Variants in SLC41A3 observed in about 807,000 individuals in gnomAD.
SLC41A3 encodes solute carrier family 41 member 3, also known as SLC41A1-like 2.
In SLC41A3, 44 loss-of-function variants were observed where a neutral mutation model predicts 45.4. That is an observed-to-expected ratio of 0.97 (90% CI 0.76 to 1.25). SLC41A3 has a LOEUF of 1.25. Among genes scored for constraint, SLC41A3 ranks in the 50% most tolerant of loss-of-function variants. SLC41A3 has a pLI of 0.00. For synonymous variants in SLC41A3, 256 were observed against 252.4 expected (o/e 1.01, Z -0.13); for missense variants, 550 against 600.6 (o/e 0.92, Z 0.88).
In SLC41A3 at chr3:126,035,790, A is replaced by G. The variant is rs926654511; in HGVS notation, c.382-2112T>C. 2.6e-5 allele frequency among the ~76,000 whole-genome samples: 4 copies of G among 152,000 alleles called. No individual in the cohort carries two copies. The East Asian group carries it at 7.8e-4, about 30-fold the overall frequency. Reference sequence around the variant, plus strand: ...GCAAGTGGAGAAGACAGCTCAGAGGAGCCTGACTTGGGTTTGGTCAAGGAA... The same window carrying G: ...GCAAGTGGAGAAGACAGCTCAGAGGGGCCTGACTTGGGTTTGGTCAAGGAA... On this transcript the variant is annotated intron_variant, in intron 3 of 10. Transcript: ENST00000360370.
intron 10 of SLC41A3, among the ~76,000 whole-genome samples, chr3:126,008,203 C>T (rs1452372394): frequency 1.3e-5 from 2 of 152,232 alleles, no homozygotes; most frequent in Non-Finnish European, 2.9e-5. Context: ...GTCTAGCATG[C>T]AGTACATAAT....
At position 126,051,004 on chromosome 3, in the gene SLC41A3, G is replaced by T. The variant is rs139252955; in HGVS notation, c.320C>A (p.Pro107Gln). 3.7e-6 allele frequency: 6 copies of T among 1,612,410 alleles called. No individual in the cohort carries two copies. Among genetic ancestry groups the T allele is most frequent in the Non-Finnish European group, 5.1e-6 (6 of 1,179,234 alleles). The change falls in exon 3 of 11, where the codon CCG (proline) becomes CAG (glutamine). Residue 107 changes from proline to glutamine, a missense_variant. Transcript: ENST00000360370. ...GTTCCCCTTCAGGCCCACCAGGGGC[G>T]GCACCAATGTCAAAAGGTCTTTCAC... The part of the protein sequence containing the change: ...VEVKDLLTLV[P>Q]PLVGLKGNLE...
intron 3 of SLC41A3, among the ~76,000 whole-genome samples, chr3:126,045,637 C>T (rs893218239): frequency 1.3e-5 from 2 of 152,076 alleles, no homozygotes; most frequent in African/African-American, 4.8e-5. Context: ...AATCTCCCAA[C>T]AAAGAAAACC....
At chr3:126,096,993 T>C (rs1945616582) in intron 1 of SLC41A3, among the ~76,000 whole-genome samples, 1 of 152,150 alleles carries the variant, frequency 6.6e-6, no homozygotes, top group Non-Finnish European at 1.5e-5. Context: ...GGAATGGAAG[T>C]TTATTTAAGA....
chr3:126,041,368 G>A (rs774668116), intron 3 of SLC41A3, among the ~76,000 whole-genome samples: 2 of 152,150 alleles, frequency 1.3e-5, no homozygotes, highest in Non-Finnish European at 2.9e-5. Flanking sequence ...CAAGATACAT[G>A]CAAGATAATG....
intron 8 of SLC41A3, 124 bp downstream of exon 8, chr3:126,015,370 G>T: frequency 1.1e-6 from 1 of 920,928 alleles, no homozygotes; most frequent in Non-Finnish European, 1.7e-6. Flanking sequence ...TCTGTCCACG[G>T]CTCAGCTGCC....
chr3:126,034,836 A>C (rs1942067069), intron 3 of SLC41A3, among the ~76,000 whole-genome samples: 1 of 152,220 alleles, frequency 6.6e-6, no homozygotes, highest in Non-Finnish European at 1.5e-5. Context: ...ATGATTTCTG[A>C]GTATGAGTCG....
chr3:126,028,535 C>T (rs1941549335), intron 4 of SLC41A3, among the ~76,000 whole-genome samples: 1 of 152,268 alleles, frequency 6.6e-6, no homozygotes, highest in Non-Finnish European at 1.5e-5. Flanking sequence ...AAGCCTGCTG[C>T]AGGGGCACAG....
intron 2 of SLC41A3, chr3:126,056,605 T>C: frequency 6.4e-7 from 1 of 1,565,700 alleles, no homozygotes; most frequent in Non-Finnish European, 8.7e-7. Context: ...CCTGGGGTGC[T>C]CCAGTCCTCT....
chr3:126,036,179 T>C (rs1042905528), intron 3 of SLC41A3, among the ~76,000 whole-genome samples: 4 of 152,252 alleles, frequency 2.6e-5, no homozygotes, highest in Non-Finnish European at 4.4e-5. Flanking sequence ...CCTTATTGTC[T>C]ACGTAAAACA....
intron 2 of SLC41A3, among the ~76,000 whole-genome samples, chr3:126,063,951 C>CCT (rs1553742164): frequency 9.1e-6 from 1 of 109,426 alleles, no homozygotes; most frequent in Non-Finnish European, 1.8e-5. Context: ...CAGATCCAAC[C>CCT]CCCCCCCGGG....
intron 1 of SLC41A3, among the ~76,000 whole-genome samples, chr3:126,100,102 T>C (rs1193121294): frequency 6.6e-6 from 1 of 152,132 alleles, no homozygotes; most frequent in Non-Finnish European, 1.5e-5. Context: ...AGAGGAACTG[T>C]TGATTTTGGA....
In SLC41A3 at chr3:126,006,923, C is replaced by T; in HGVS notation, c.*93G>A. Reference sequence around the variant, plus strand: ...GGCTACTGCAGAGGCAGGGGTCAACCATCCCAAGGACCTGGCAAGGGAGAA... The same window carrying T: ...GGCTACTGCAGAGGCAGGGGTCAACTATCCCAAGGACCTGGCAAGGGAGAA... On this transcript the variant is annotated 3_prime_UTR_variant, in exon 11 of 11. Coordinates refer to ENST00000360370, the MANE Select transcript of SLC41A3 (RefSeq NM_017836.4). The T allele has an allele frequency of 3.8e-6, 6 of 1,575,222 alleles. No homozygotes were observed. In the Middle Eastern group the frequency reaches 6.8e-4, roughly 179 times the overall value.
chr3:126,044,919 A>AAAAAAAAAAAAAC (rs1942862013), intron 3 of SLC41A3, among the ~76,000 whole-genome samples: 1 of 145,120 alleles, frequency 6.9e-6, no homozygotes. Context: ...AAAAAAAAAA[A>AAAAAAAAAAAAAC]AAAAATCATA....
At chr3:126,072,359 T>C (rs1944658754) in intron 1 of SLC41A3, among the ~76,000 whole-genome samples, 1 of 126,908 alleles carries the variant, frequency 7.9e-6, no homozygotes, top group South Asian at 2.5e-4. Flanking sequence ...TGAAAGAGAA[T>C]TGTAAAAAAA....
rs2107622311 is a variant in SLC41A3 at position 126,006,674 on chromosome 3, C to T, written c.*342G>A. 6.8e-7 allele frequency: 1 copy of T among 1,479,968 alleles called. No homozygotes were observed. Among genetic ancestry groups the T allele is most frequent in the Non-Finnish European group, 8.9e-7 (1 of 1,118,418 alleles). The allele number at this position is 1,479,968 out of a possible 1,614,324, so 91.7% of individuals were successfully genotyped here. On this transcript the variant is annotated 3_prime_UTR_variant, in exon 11 of 11. Coordinates refer to ENST00000360370, the MANE Select transcript of SLC41A3 (RefSeq NM_017836.4). ...TGGGTTGCATGGGCATGGAAAAGAG[C>T]AAACACACCCTGCAAAGCATACTGG...
chr3:126,028,558 C>T (rs1048042450), intron 4 of SLC41A3, among the ~76,000 whole-genome samples: 2 of 152,278 alleles, frequency 1.3e-5, no homozygotes, highest in African/African-American at 2.4e-5. Flanking sequence ...CTCATGGAGA[C>T]CCTCTACTAG....
chr3:126,093,502 G>A (rs1364630378), intron 1 of SLC41A3, among the ~76,000 whole-genome samples: 1 of 152,202 alleles, frequency 6.6e-6, no homozygotes, highest in African/African-American at 2.4e-5. Flanking sequence ...CAAAAGCTGT[G>A]AGCCTTCTGC....
chr3:126,024,365 G>C (rs1034495748), intron 5 of SLC41A3: 1 of 152,248 alleles, frequency 6.6e-6, no homozygotes. Context: ...AGGGTCTCCT[G>C]GACTGTTCTT....
Sources: allele counts gnomAD v4.1 joint callset (sites outside exome capture counted in the v4.1 genomes callset), GRCh38; gene constraint gnomAD v4.1.1; transcripts MANE v1.5; gene names NCBI Gene and HGNC (gene_info 2026-07-23, HGNC 2026-07-21).